Variants in DLGAP1 observed in about 807,000 individuals in gnomAD.
The protein encoded by DLGAP1 is disks large-associated protein 1.
In DLGAP1, 11 loss-of-function variants were observed where a neutral mutation model predicts 90.8. The ratio of observed to expected loss-of-function variants is 0.12; its 90% CI spans 0.08 to 0.20. The LOEUF (loss-of-function observed/expected upper bound fraction) is 0.20. DLGAP1 is among the 10% of genes least tolerant of loss of function. The pLI is 1.00. For missense variants in DLGAP1, 1,050 were observed against 1,333.8 expected (o/e 0.79, Z 3.31); for synonymous variants, 558 against 540.7 (o/e 1.03, Z -0.44).
At chr18:3,875,205 T>C (rs2070966430) in intron 4 of DLGAP1, among the ~76,000 whole-genome samples, 1 of 152,194 alleles carries the variant, frequency 6.6e-6, no homozygotes, top group Non-Finnish European at 1.5e-5. Context: ...AATGCACACA[T>C]ACATTTACCA....
chr18:4,410,245 T>C (rs2082747991), intron 1 of DLGAP1, among the ~76,000 whole-genome samples: 1 of 152,106 alleles, frequency 6.6e-6, no homozygotes, highest in Non-Finnish European at 1.5e-5. Flanking sequence ...CTCACAAATC[T>C]TCACTAAAGA....
At chr18:4,357,759 C>T (rs920860960) in intron 1 of DLGAP1, among the ~76,000 whole-genome samples, 3 of 152,194 alleles carry the variant, frequency 2.0e-5, no homozygotes, top group Admixed American at 6.5e-5. Context: ...CCCAGTGCTT[C>T]GCAGCGCCTC....
At chr18:4,392,435 T>A (rs2082358286) in intron 1 of DLGAP1, among the ~76,000 whole-genome samples, 1 of 152,192 alleles carries the variant, frequency 6.6e-6, no homozygotes, top group African/African-American at 2.4e-5. Context: ...TTATAGACCA[T>A]TTAATAATGT....
chr18:4,171,090 G>GA (rs35672493), intron 1 of DLGAP1, among the ~76,000 whole-genome samples: 65,572 of 151,910 alleles, frequency 0.43, 15,098 homozygotes, highest in East Asian at 0.7. Context: ...TATATAGAAT[G>GA]AAAAAACTTT....
chr18:3,633,271 C>T (rs532131159), intron 7 of DLGAP1, among the ~76,000 whole-genome samples: 51 of 152,112 alleles, frequency 3.4e-4, no homozygotes, highest in East Asian at 1.2e-3. Context: ...GGCATGGTGG[C>T]GGGCTCCTGT....
At chr18:4,402,718 A>C (rs2082581114) in intron 1 of DLGAP1, among the ~76,000 whole-genome samples, 1 of 152,194 alleles carries the variant, frequency 6.6e-6, no homozygotes, top group Non-Finnish European at 1.5e-5. Context: ...AATTAGAGGA[A>C]GTAAAAAGAA....
At chr18:4,169,145 C>G (rs2076982898) in intron 1 of DLGAP1, among the ~76,000 whole-genome samples, 1 of 152,068 alleles carries the variant, frequency 6.6e-6, no homozygotes, top group Non-Finnish European at 1.5e-5. Context: ...TCCAATGAGG[C>G]TACACTATTT....
chr18:3,844,703 T>C (rs2068909083), intron 4 of DLGAP1, among the ~76,000 whole-genome samples: 1 of 152,204 alleles, frequency 6.6e-6, no homozygotes, highest in African/African-American at 2.4e-5. Context: ...AAAATAAAAC[T>C]CACCTAAACT....
chr18:4,278,547 G>A (rs1218038246), intron 1 of DLGAP1, among the ~76,000 whole-genome samples: 1 of 152,038 alleles, frequency 6.6e-6, no homozygotes, highest in Non-Finnish European at 1.5e-5. Flanking sequence ...CTGACTTTCT[G>A]TTTCTGAGTT....
intron 2 of DLGAP1, among the ~76,000 whole-genome samples, chr18:4,033,796 A>G (rs2074839456): frequency 6.7e-6 from 1 of 149,952 alleles, no homozygotes; most frequent in Non-Finnish European, 1.5e-5. Flanking sequence ...CTGGAGGGCA[A>G]TGGTGCAATC....
chr18:3,875,819 C>T (rs1223692), intron 4 of DLGAP1, among the ~76,000 whole-genome samples: 17 of 152,080 alleles, frequency 1.1e-4, no homozygotes, highest in African/African-American at 3.6e-4. Context: ...TCTTTTGGAC[C>T]AAGCGCCTCA....
chr18:4,350,509 T>C (rs947946520), intron 1 of DLGAP1, among the ~76,000 whole-genome samples: 1 of 152,146 alleles, frequency 6.6e-6, no homozygotes, highest in Non-Finnish European at 1.5e-5. Context: ...TTTTCATCTG[T>C]AGTAACTCCA....
intron 1 of DLGAP1, among the ~76,000 whole-genome samples, chr18:4,274,529 T>C (rs2079366350): frequency 6.6e-6 from 1 of 152,218 alleles, no homozygotes; most frequent in African/African-American, 2.4e-5. Flanking sequence ...AAATAATATA[T>C]AGCCAATTCT....
At chr18:4,328,716 C>T (rs2080880869) in intron 1 of DLGAP1, among the ~76,000 whole-genome samples, 1 of 151,946 alleles carries the variant, frequency 6.6e-6, no homozygotes, top group African/African-American at 2.4e-5. Flanking sequence ...TATTGCCAGA[C>T]CTTTTCATCT....
chr18:4,427,531 T>C (rs1018563865), intron 1 of DLGAP1, among the ~76,000 whole-genome samples: 1 of 152,174 alleles, frequency 6.6e-6, no homozygotes, highest in African/African-American at 2.4e-5. Flanking sequence ...TAAATTGGCA[T>C]GGCAACTAGC....
intron 1 of DLGAP1, among the ~76,000 whole-genome samples, chr18:4,282,369 A>C (rs888304522): frequency 6.6e-6 from 1 of 151,942 alleles, no homozygotes; most frequent in Non-Finnish European, 1.5e-5. Context: ...GTCTCAAAAA[A>C]AAAAAAAAAA....
intron 1 of DLGAP1, among the ~76,000 whole-genome samples, chr18:4,219,027 GTT>G (rs34333673): frequency 0.011 from 1,001 of 91,988 alleles, 8 homozygotes; most frequent in East Asian, 0.042. Context: ...TTCTATCTTT[GTT>G]TTTTTTTTTT....
intron 3 of DLGAP1, among the ~76,000 whole-genome samples, chr18:3,930,582 A>G (rs1331535567): frequency 4.6e-5 from 7 of 152,094 alleles, no homozygotes; most frequent in African/African-American, 1.7e-4. Context: ...CTCAGTCGCT[A>G]CCCTGGACGC....
At chr18:3,713,463 G>A (rs1175573243) in intron 7 of DLGAP1, among the ~76,000 whole-genome samples, 3 of 152,230 alleles carry the variant, frequency 2.0e-5, no homozygotes, top group African/African-American at 7.2e-5. Context: ...GGAGGCTTCA[G>A]TCTAAAAGGG....
Sources: allele counts gnomAD v4.1 joint callset (sites outside exome capture counted in the v4.1 genomes callset), GRCh38; gene constraint gnomAD v4.1.1; transcripts MANE v1.5; gene names NCBI Gene and HGNC (gene_info 2026-07-23, HGNC 2026-07-21).